ZNF480: variants seen among roughly 807,000 people sequenced by gnomAD.
The protein encoded by ZNF480 is zinc finger protein 480.
In ZNF480, 15 loss-of-function variants were observed where a neutral mutation model predicts 14.4. That is an observed-to-expected ratio of 1.04 (90% CI 0.70 to 1.60). ZNF480 has a LOEUF of 1.60. Among genes scored for constraint, ZNF480 ranks in the 40% most tolerant of loss-of-function variants. The pLI is 0.00. For missense variants in ZNF480, 593 were observed against 629.7 expected (o/e 0.94, Z 0.62); for synonymous variants, 218 against 215.5 (o/e 1.01, Z -0.10).
chr19:52,300,763 A>G (rs953274340), intron 2 of ZNF480: 1 of 501,174 alleles, frequency 2.0e-6, no homozygotes, highest in Non-Finnish European at 3.6e-6. Flanking sequence ...TGACCCACAT[A>G]TTTATTGACA....
intron 4 of ZNF480, among the ~76,000 whole-genome samples, chr19:52,317,255 A>T (rs1001848632): frequency 1.3e-5 from 2 of 151,814 alleles, no homozygotes; most frequent in African/African-American, 4.8e-5. Flanking sequence ...TGACCTCATG[A>T]TCTACCTGCC....
intron 1 of ZNF480, chr19:52,297,929 A>G (rs1982488737): frequency 6.6e-6 from 1 of 152,214 alleles, no homozygotes; most frequent in African/African-American, 2.4e-5. Context: ...TGAAGGAGAA[A>G]AGAAGATTGA....
At chr19:52,302,604 G>A (rs554877593) in intron 2 of ZNF480, among the ~76,000 whole-genome samples, 30 of 151,988 alleles carry the variant, frequency 2.0e-4, no homozygotes, top group Non-Finnish European at 2.2e-4. Flanking sequence ...CGTTTGACAG[G>A]TAGCCTAAAC....
chr19:52,306,304 C>T (rs1398214271), intron 2 of ZNF480, among the ~76,000 whole-genome samples: 1 of 152,156 alleles, frequency 6.6e-6, no homozygotes, highest in Non-Finnish European at 1.5e-5. Context: ...TCAGTCCCTG[C>T]TTGACAGCAC....
rs1483285591 is a variant in ZNF480, at chr19:52,324,597, G to C, written c.*1739G>C. On this transcript the variant is annotated 3_prime_UTR_variant, in exon 5 of 5. Transcript: ENST00000595962. ...GTACTGGTATAAAAAAAGACACATA[G>C]ATCAATGGAATAGGTAAGAGAACCC... 2 of 152,064 alleles carry C rather than the reference G, an allele frequency of 1.3e-5. No individual in the cohort carries two copies. The highest frequency in any genetic ancestry group is 2.9e-5 in the Non-Finnish European group (2 of 68,016). 9.4% of individuals were successfully genotyped at this position (152,064 alleles called of 1,614,324 possible). A position where few individuals can be genotyped will look rare whatever the true frequency, so the allele number is the denominator to read the frequency against.
chr19:52,317,158 C>T (rs1983598086), intron 4 of ZNF480, among the ~76,000 whole-genome samples: 1 of 151,794 alleles, frequency 6.6e-6, no homozygotes, highest in Non-Finnish European at 1.5e-5. Flanking sequence ...GCTAGGACTA[C>T]AGGTGCACAC....
intron 2 of ZNF480, chr19:52,300,792 T>C (rs1404059877): frequency 2.2e-6 from 1 of 446,246 alleles, no homozygotes; most frequent in Non-Finnish European, 4.0e-6. Flanking sequence ...TTGATAAGCA[T>C]TGTTTCTATA....
chr19:52,312,516 T>C (rs748433838), intron 2 of ZNF480, among the ~76,000 whole-genome samples: 23 of 152,196 alleles, frequency 1.5e-4, no homozygotes, highest in Non-Finnish European at 2.9e-4. Context: ...TTAACTTTTT[T>C]CTTAGGTAAT....
Position 52,323,554 on chromosome 19 carries a change from A to C in ZNF480, c.*696A>C, listed in dbSNP as rs1243940306. ...ATATAGGTGCCAAAATCCTCAGCAAAATACTAGTAAACCAAATCCATCTGC... is the reference window on the plus strand; with the variant it reads ...ATATAGGTGCCAAAATCCTCAGCAACATACTAGTAAACCAAATCCATCTGC... On this transcript the variant is annotated 3_prime_UTR_variant, in exon 5 of 5. Coordinates refer to ENST00000595962, the MANE Select transcript of ZNF480 (RefSeq NM_144684.4). 6.6e-6 allele frequency: 1 copy of C among 152,078 alleles called. No individual in the cohort carries two copies. The highest frequency in any genetic ancestry group is 6.6e-5 in the Admixed American group (1 of 15,246). 9.4% of individuals were successfully genotyped at this position (152,078 alleles called of 1,614,324 possible). A position where few individuals can be genotyped will look rare whatever the true frequency, so the allele number is the denominator to read the frequency against.
chr19:52,315,923 A>T lies in ZNF480; in HGVS notation c.289A>T (p.Asn97Tyr). 1 of 1,612,658 alleles carries T rather than the reference A, an allele frequency of 6.2e-7. No individual in the cohort carries two copies. Among genetic ancestry groups the T allele is most frequent in the Non-Finnish European group, 8.5e-7 (1 of 1,179,044 alleles). The change falls in exon 4 of 5, where the codon AAT (asparagine) becomes TAT (tyrosine). Residue 97 changes from asparagine to tyrosine, a missense_variant. Coordinates refer to ENST00000595962, the MANE Select transcript of ZNF480 (RefSeq NM_144684.4). ...SGESEVKIAKNSDGRECIKGV... is the reference protein window; with the variant it reads ...SGESEVKIAKYSDGRECIKGV... ...TGAGAGTGAAGTGAAAATAGCAAAAAATTCAGATGGGAGGGAGTGCATCAA... is the reference window on the plus strand; with the variant it reads ...TGAGAGTGAAGTGAAAATAGCAAAATATTCAGATGGGAGGGAGTGCATCAA...
chr19:52,298,451 G>A (rs1476785681), intron 1 of ZNF480, among the ~76,000 whole-genome samples: 4 of 152,144 alleles, frequency 2.6e-5, no homozygotes, highest in Non-Finnish European at 5.9e-5. Flanking sequence ...TGGGCAACAT[G>A]GTGAAACCCC....
At chr19:52,300,915 C>T (rs8103182) in intron 2 of ZNF480, 17,444 of 198,944 alleles carry the variant, frequency 0.088, 1,598 homozygotes, top group African/African-American at 0.25. Flanking sequence ...AGGCACAGGC[C>T]ACTCATGCTA....
chr19:52,316,946 T>G (rs1392549934), intron 4 of ZNF480, among the ~76,000 whole-genome samples: 1 of 152,222 alleles, frequency 6.6e-6, no homozygotes, highest in African/African-American at 2.4e-5. Flanking sequence ...TAACTATTCA[T>G]CCATTGGTGG....
chr19:52,308,074 G>A (rs1408491450), intron 2 of ZNF480, among the ~76,000 whole-genome samples: 1 of 152,046 alleles, frequency 6.6e-6, no homozygotes, highest in Non-Finnish European at 1.5e-5. Context: ...AGGCTTCACT[G>A]GGCATGGTTC....
At chr19:52,308,101 C>T (rs1220959782) in intron 2 of ZNF480, among the ~76,000 whole-genome samples, 1 of 151,992 alleles carries the variant, frequency 6.6e-6, no homozygotes, top group Admixed American at 6.6e-5. Context: ...GGGCTCACTC[C>T]CTAGCATGGA....
At chr19:52,311,814 TA>T (rs78392554) in intron 2 of ZNF480, among the ~76,000 whole-genome samples, 7 of 147,078 alleles carry the variant, frequency 4.8e-5, no homozygotes, top group Admixed American at 6.8e-5. Flanking sequence ...CTCTAAAAAT[TA>T]AAAAAAAAAG....
chr19:52,322,548 G>T lies in ZNF480; in HGVS notation c.1298G>T (p.Gly433Val). 6.2e-7 allele frequency: 1 copy of T among 1,614,062 alleles called. No homozygotes were observed. Among genetic ancestry groups the T allele is most frequent in the Non-Finnish European group, 8.5e-7 (1 of 1,179,998 alleles). ...AAGCCTTACAAATGTAATGAATGTG[G>T]TAAAGCATTTAGTGAGTATTCAGGC... ...GEKPYKCNEC[G>V]KAFSEYSGLS... The change falls in exon 5 of 5, where the codon GGT becomes GTT. Residue 433 changes from glycine to valine, a missense_variant. Coordinates refer to ENST00000595962, the MANE Select transcript of ZNF480 (RefSeq NM_144684.4).
intron 1 of ZNF480, among the ~76,000 whole-genome samples, chr19:52,298,632 A>AG (rs1299899880): frequency 2.0e-5 from 3 of 151,190 alleles, no homozygotes; most frequent in African/African-American, 7.3e-5. Context: ...ACTCCGTCTC[A>AG]GGGAAAAAAA....
intron 2 of ZNF480, among the ~76,000 whole-genome samples, chr19:52,304,141 G>A (rs981567604): frequency 6.6e-5 from 10 of 152,200 alleles, no homozygotes; most frequent in Non-Finnish European, 1.5e-4. Context: ...AACATGCCTT[G>A]TGGCAACACT....
Sources: gnomAD v4.1 joint callset for allele counts (sites outside exome capture counted in the v4.1 genomes callset) on GRCh38, gnomAD v4.1.1 for gene constraint, MANE v1.5 for transcripts, NCBI Gene and HGNC (gene_info 2026-07-23, HGNC 2026-07-21) for gene names.